MPP7: variants seen among roughly 807,000 people sequenced by gnomAD.
MPP7 encodes MAGUK p55 scaffold protein 7.
Under a neutral mutation model 76.5 loss-of-function variants are expected in MPP7, and 60 were observed. The observed-to-expected ratio is 0.78, with a 90% CI of 0.64 to 0.97. MPP7 has a LOEUF of 0.97. Ranked by LOEUF, MPP7 falls within the 50% of genes least tolerant of loss-of-function variation. The pLI, the probability that MPP7 is intolerant of heterozygous loss-of-function variation, is 0.00. For synonymous variants in MPP7, 237 were observed against 244.5 expected (o/e 0.97, Z 0.29); for missense variants, 641 against 694.0 (o/e 0.92, Z 0.86).
At chr10:28,189,880 CTG>C (rs1301277793) in intron 3 of MPP7, among the ~76,000 whole-genome samples, 2 of 151,896 alleles carry the variant, frequency 1.3e-5, no homozygotes, top group African/African-American at 4.8e-5. Flanking sequence ...AAAACAGAGA[CTG>C]TCAGAATGGA....
At chr10:28,275,455 G>A (rs968643457) in intron 1 of MPP7, among the ~76,000 whole-genome samples, 8 of 150,670 alleles carry the variant, frequency 5.3e-5, no homozygotes, top group African/African-American at 2.0e-4. Context: ...CACCCAGGCT[G>A]GAGTGCAATG....
chr10:28,212,114 T>TAA (rs58753537), intron 2 of MPP7, among the ~76,000 whole-genome samples: 2 of 142,252 alleles, frequency 1.4e-5, no homozygotes, highest in Admixed American at 7.0e-5. Context: ...CCCTGTCTCG[T>TAA]AAAAAAAAAA....
intron 12 of MPP7, among the ~76,000 whole-genome samples, chr10:28,073,432 T>C (rs1292794391): frequency 6.6e-6 from 1 of 152,194 alleles, no homozygotes; most frequent in Non-Finnish European, 1.5e-5. Context: ...TGCTTGACAT[T>C]CTTGGATATG....
chr10:28,077,082 C>CAAAAA (rs10577715), intron 12 of MPP7, among the ~76,000 whole-genome samples: 2,119 of 107,054 alleles, frequency 0.02, 47 homozygotes, highest in East Asian at 0.1. Context: ...TCTCTAACTA[C>CAAAAA]AAAAAAAAAA....
chr10:28,087,477 C>T (rs1853073576), intron 12 of MPP7, among the ~76,000 whole-genome samples: 2 of 152,064 alleles, frequency 1.3e-5, no homozygotes, highest in Non-Finnish European at 2.9e-5. Context: ...CTCACTGCAA[C>T]CTCTGCCTCC....
At chr10:28,330,639 G>A (rs1834462631) in intron 1 of MPP7, among the ~76,000 whole-genome samples, 1 of 151,878 alleles carries the variant, frequency 6.6e-6, no homozygotes, top group African/African-American at 2.4e-5. Flanking sequence ...TAAAATATGG[G>A]GTTGCTTTTT....
chr10:28,112,701 C>T (rs1246514738), intron 11 of MPP7, among the ~76,000 whole-genome samples: 1 of 152,072 alleles, frequency 6.6e-6, no homozygotes, highest in Non-Finnish European at 1.5e-5. Flanking sequence ...ATATATAAAA[C>T]GTTGATCTCA....
intron 2 of MPP7, among the ~76,000 whole-genome samples, chr10:28,213,640 A>G (rs1380471324): frequency 6.6e-6 from 1 of 151,868 alleles, no homozygotes; most frequent in Non-Finnish European, 1.5e-5. Context: ...AATACAAAAA[A>G]AATTAGCCAG....
intron 2 of MPP7, among the ~76,000 whole-genome samples, chr10:28,329,052 GA>G (rs1170474912): frequency 6.6e-6 from 1 of 152,126 alleles, no homozygotes; most frequent in Non-Finnish European, 1.5e-5. Context: ...GCTACTTCTT[GA>G]ACCTCTTAAT....
chr10:28,169,359 C>T (rs1049619563), intron 3 of MPP7, among the ~76,000 whole-genome samples: 5 of 152,022 alleles, frequency 3.3e-5, no homozygotes, highest in African/African-American at 9.7e-5. Flanking sequence ...GGAAAGGTCC[C>T]CAGCTAATTA....
intron 1 of MPP7, among the ~76,000 whole-genome samples, chr10:28,300,074 A>C (rs1228293749): frequency 6.6e-6 from 1 of 152,174 alleles, no homozygotes. Flanking sequence ...GCCAAAACTC[A>C]AGACTTAAGT....
rs57970044 is a variant in MPP7, at chr10:28,108,859, C to T, written c.952+10792G>A. ...AAATATTTTCGTGTATAACAACCCT[C>T]GGCATCTCCAAACTAGAATTTTTCC... is the stretch of plus-strand genomic sequence containing the variant. On this transcript the variant is annotated intron_variant, in intron 11 of 16. Transcript: ENST00000683449. Among the ~76,000 whole-genome samples, 974 of 152,168 alleles carry T rather than the reference C, an allele frequency of 6.4e-3. 10 individuals are homozygous for T. Among genetic ancestry groups the T allele is most frequent in the African/African-American group, 0.021 (866 of 41,504 alleles).
chr10:28,297,481 G>T (rs769282907), intron 1 of MPP7, among the ~76,000 whole-genome samples: 9 of 152,124 alleles, frequency 5.9e-5, no homozygotes, highest in Non-Finnish European at 1.2e-4. Context: ...GGTGGACTGC[G>T]TGAGCTCAGG....
At position 28,074,743 on chromosome 10, in the gene MPP7, A is replaced by G. The variant is rs150928342; in HGVS notation, c.1124-4891T>C. Among the ~76,000 whole-genome samples, 7 of 152,316 alleles carry G rather than the reference A, an allele frequency of 4.6e-5. No individual in the cohort carries two copies. In the East Asian group the frequency reaches 1.3e-3, roughly 29 times the overall value. On this transcript the variant is annotated intron_variant, in intron 12 of 16. Coordinates refer to ENST00000683449, the MANE Select transcript of MPP7 (RefSeq NM_001318170.2). Reference sequence around the variant, plus strand: ...AAGCCTCTCTTACCTTAATACAACAAGAACAACAATAAAAGCTCCACATTT... The same window carrying G: ...AAGCCTCTCTTACCTTAATACAACAGGAACAACAATAAAAGCTCCACATTT...
chr10:28,091,579 T>A (rs1247788511), intron 11 of MPP7, among the ~76,000 whole-genome samples: 1 of 152,210 alleles, frequency 6.6e-6, no homozygotes, highest in Non-Finnish European at 1.5e-5. Context: ...TGAGCCACCA[T>A]GACCAGCCAT....
chr10:28,302,244 C>T (rs1841174601), intron 1 of MPP7, among the ~76,000 whole-genome samples: 2 of 152,184 alleles, frequency 1.3e-5, no homozygotes, highest in Non-Finnish European at 2.9e-5. Flanking sequence ...TCAGCCCAGA[C>T]AAAGCTGAGT....
At chr10:28,211,505 C>CTA (rs1365317664) in intron 2 of MPP7, among the ~76,000 whole-genome samples, 1 of 151,726 alleles carries the variant, frequency 6.6e-6, no homozygotes, top group Non-Finnish European at 1.5e-5. Flanking sequence ...GTCATGTTTT[C>CTA]TATCAGAATA....
At chr10:28,217,403 T>C (rs1451722591) in intron 2 of MPP7, among the ~76,000 whole-genome samples, 1 of 151,650 alleles carries the variant, frequency 6.6e-6, no homozygotes, top group Non-Finnish European at 1.5e-5. Context: ...CTGGTGTGTC[T>C]GTAATCCCAG....
At chr10:28,251,016 A>G (rs1444964367) in intron 1 of MPP7, among the ~76,000 whole-genome samples, 1 of 152,244 alleles carries the variant, frequency 6.6e-6, no homozygotes, top group Non-Finnish European at 1.5e-5. Flanking sequence ...TCATGTTAAC[A>G]AAGGCAACTT....
Sources: gnomAD v4.1 joint callset for allele counts (sites outside exome capture counted in the v4.1 genomes callset) on GRCh38, gnomAD v4.1.1 for gene constraint, MANE v1.5 for transcripts, NCBI Gene and HGNC (gene_info 2026-07-23, HGNC 2026-07-21) for gene names.